The following ANKRD6 variants were observed in gnomAD, a reference collection of about 807,000 sequenced individuals.
The protein encoded by ANKRD6 is ankyrin repeat domain 6.
ANKRD6 carries 56 observed loss-of-function variants against 82.3 expected under a neutral mutation model. The ratio of observed to expected loss-of-function variants is 0.68; its 90% CI spans 0.55 to 0.85. The LOEUF is 0.85. ANKRD6 is among the 40% of genes least tolerant of loss of function. The probability of loss-of-function intolerance (pLI) is 0.00; values close to 1 mark genes in which losing one functional copy is unlikely to be tolerated. For missense variants in ANKRD6, 852 were observed against 907.6 expected, an observed-to-expected ratio of 0.94 and a Z score of 0.79; for synonymous variants, 347 against 352.1, an observed-to-expected ratio of 0.99 and a Z score of 0.16.
chr6:89,469,952 T>C lies in ANKRD6; in HGVS notation c.-144+36577T>C, dbSNP rs575318098. Among the ~76,000 whole-genome samples, 17 of 152,180 alleles carry C rather than the reference T, an allele frequency of 1.1e-4. 1 individual carries two copies. In the South Asian group the frequency reaches 3.3e-3, roughly 30 times the overall value. The stretch of plus-strand genomic sequence containing the variant: ...AGATTCTTCTCCTTCTACAGCCATC[T>C]CTCTCTCCTTTTCTCCATAAATGGT... On this transcript the variant is annotated intron_variant, in intron 1 of 15. Transcript: ENST00000339746.
chr6:89,506,310 A>G (rs1417972707), intron 1 of ANKRD6, among the ~76,000 whole-genome samples: 8 of 152,084 alleles, frequency 5.3e-5, no homozygotes, highest in African/African-American at 1.4e-4. Flanking sequence ...CCTTAAATTT[A>G]TACAATTTTA....
At chr6:89,572,026 A>G (rs1252350702) in intron 2 of ANKRD6, among the ~76,000 whole-genome samples, 2 of 152,182 alleles carry the variant, frequency 1.3e-5, no homozygotes, top group Non-Finnish European at 2.9e-5. Context: ...ATCATACAAT[A>G]TGTAGCCTTT....
At chr6:89,629,948 G>A (rs773552111) in intron 15 of ANKRD6, among the ~76,000 whole-genome samples, 1 of 152,212 alleles carries the variant, frequency 6.6e-6, no homozygotes, top group Non-Finnish European at 1.5e-5. Flanking sequence ...AGCTCTGGGT[G>A]TGGAAAATGG....
At chr6:89,599,209 C>CA (rs545425379) in intron 3 of ANKRD6, among the ~76,000 whole-genome samples, 5 of 151,986 alleles carry the variant, frequency 3.3e-5, no homozygotes, top group African/African-American at 4.8e-5. Flanking sequence ...TCCATCTCTA[C>CA]AAAAAATAAA....
At chr6:89,468,051 A>C (rs889471410) in intron 1 of ANKRD6, among the ~76,000 whole-genome samples, 6 of 152,190 alleles carry the variant, frequency 3.9e-5, no homozygotes, top group Admixed American at 2.6e-4. Context: ...CCAAGGAGAC[A>C]CTGCTGATAG....
intron 1 of ANKRD6, among the ~76,000 whole-genome samples, chr6:89,471,520 T>C (rs570575095): frequency 6.6e-6 from 1 of 152,034 alleles, no homozygotes; most frequent in South Asian, 2.1e-4. Context: ...GATTACCTAA[T>C]GTTACAGCTG....
chr6:89,566,828 C>T lies in ANKRD6; in HGVS notation c.-143-6C>T. 1 of 1,113,178 alleles carries T rather than the reference C, an allele frequency of 9.0e-7. No homozygotes were observed. The highest frequency in any genetic ancestry group is 1.3e-6 in the Non-Finnish European group (1 of 790,778). The allele number at this position is 1,113,178 out of a possible 1,614,324, so 69.0% of individuals were successfully genotyped here. On this transcript the variant is annotated splice_region_variant and splice_polypyrimidine_tract_variant and intron_variant, in intron 1 of 15. Coordinates refer to ENST00000339746, the MANE Select transcript of ANKRD6 (RefSeq NM_001242809.2). The stretch of plus-strand genomic sequence containing the variant: ...CCTGATGGCACCTTTGTTTTGTAAC[C>T]CCTAGGTCCCGAAGATGGCATATTC...
intron 6 of ANKRD6, among the ~76,000 whole-genome samples, chr6:89,613,401 G>A (rs1386873746): frequency 6.6e-6 from 1 of 152,186 alleles, no homozygotes; most frequent in African/African-American, 2.4e-5. Context: ...CATTTCCAAA[G>A]CAATGCTGTT....
intron 3 of ANKRD6, chr6:89,598,073 C>A: frequency 1.0e-6 from 1 of 977,652 alleles, no homozygotes; most frequent in Non-Finnish European, 1.2e-6. Flanking sequence ...AGAATTTACT[C>A]CTAACTTCAT....
intron 1 of ANKRD6, among the ~76,000 whole-genome samples, chr6:89,477,166 G>A (rs548409864): frequency 3.9e-5 from 6 of 152,142 alleles, no homozygotes; most frequent in African/African-American, 7.2e-5. Context: ...GGATGGTCTC[G>A]ATCTCCTGAC....
At chr6:89,492,039 T>A (rs943857976) in intron 1 of ANKRD6, among the ~76,000 whole-genome samples, 1 of 152,218 alleles carries the variant, frequency 6.6e-6, no homozygotes, top group Non-Finnish European at 1.5e-5. Flanking sequence ...TATTTCCTTA[T>A]GAAGACTCCC....
chr6:89,495,834 T>G (rs1179905187), intron 1 of ANKRD6, among the ~76,000 whole-genome samples: 1 of 152,198 alleles, frequency 6.6e-6, no homozygotes, highest in African/African-American at 2.4e-5. Context: ...TTTATTTCAT[T>G]TTACCTTTAC....
At chr6:89,619,240 A>G (rs967202330) in intron 9 of ANKRD6, among the ~76,000 whole-genome samples, 27 of 152,334 alleles carry the variant, frequency 1.8e-4, no homozygotes, top group African/African-American at 5.5e-4. Flanking sequence ...AGCAGCTTTT[A>G]TCGTAAGTGG....
chr6:89,594,070 A>G (rs1795391821), intron 2 of ANKRD6, among the ~76,000 whole-genome samples: 2 of 152,232 alleles, frequency 1.3e-5, no homozygotes, highest in South Asian at 2.1e-4. Context: ...TGAGTAAATA[A>G]TAAGTGAACC....
rs1419495648 is a variant in ANKRD6 at position 89,627,616 on chromosome 6, C to A, written c.1405C>A (p.Leu469Ile). Residue 469 changes from leucine (L) to isoleucine (I), a missense_variant, in exon 14 of 16, where the codon CTT becomes ATT. Physicochemically the swap from Leu to Ile is conservative, Grantham distance 5. Coordinates refer to ENST00000339746, the MANE Select transcript of ANKRD6 (RefSeq NM_001242809.2). ...TTTGGACAAGCTGATGGTTGAGCGA[C>A]TTTCTGCAGAGAGGACGGAGTGCCT... ...RVLDKLMVERLSAERTECLNR... is the reference protein window; with the variant it reads ...RVLDKLMVERISAERTECLNR... The A allele has an allele frequency of 1.9e-6, 3 of 1,613,682 alleles. No individual in the cohort carries two copies. In the African/African-American group the frequency reaches 4.0e-5, roughly 22 times the overall value.
chr6:89,511,936 A>G (rs1162314160), intron 1 of ANKRD6, among the ~76,000 whole-genome samples: 2 of 152,064 alleles, frequency 1.3e-5, no homozygotes, highest in African/African-American at 4.8e-5. Flanking sequence ...TAATTTTTAA[A>G]AACATTAAAA....
At chr6:89,625,234 G>C (rs889002303) in intron 13 of ANKRD6, among the ~76,000 whole-genome samples, 17 of 151,628 alleles carry the variant, frequency 1.1e-4, no homozygotes, top group African/African-American at 4.1e-4. Context: ...AGTGAGCAGA[G>C]ATCATTCCAG....
intron 2 of ANKRD6, among the ~76,000 whole-genome samples, chr6:89,573,930 G>A (rs1790513876): frequency 6.6e-6 from 1 of 152,154 alleles, no homozygotes; most frequent in Non-Finnish European, 1.5e-5. Context: ...TACCCTGGAT[G>A]GAATTTGCTC....
At chr6:89,473,180 G>A (rs1775670355) in intron 1 of ANKRD6, among the ~76,000 whole-genome samples, 1 of 152,136 alleles carries the variant, frequency 6.6e-6, no homozygotes, top group African/African-American at 2.4e-5. Context: ...GGAGGCTGAG[G>A]TGGATAGATC....
Sources: allele counts gnomAD v4.1 joint callset (sites outside exome capture counted in the v4.1 genomes callset), GRCh38; gene constraint gnomAD v4.1.1; transcripts MANE v1.5; gene names NCBI Gene and HGNC (gene_info 2026-07-23, HGNC 2026-07-21).